The following PCDHGB7 variants were observed in gnomAD, a reference collection of about 807,000 sequenced individuals.
PCDHGB7 encodes protocadherin gamma subfamily B, 7, also known as protocadherin gamma-B7.
Under a neutral mutation model 61.4 loss-of-function variants are expected in PCDHGB7, and 37 were observed. The ratio of observed to expected loss-of-function variants is 0.60; its 90% CI spans 0.46 to 0.79. The LOEUF is 0.79. Among genes scored for constraint, PCDHGB7 ranks in the 30% least tolerant of loss-of-function variants. PCDHGB7 has a pLI of 0.00. For missense variants in PCDHGB7, 1,166 were observed against 1,202.5 expected, an observed-to-expected ratio of 0.97 and a Z score of 0.45; for synonymous variants, 464 against 503.5, an observed-to-expected ratio of 0.92 and a Z score of 1.05.
intron 1 of PCDHGB7, among the ~76,000 whole-genome samples, chr5:141,430,014 G>A (rs925858697): frequency 6.6e-6 from 1 of 152,130 alleles, no homozygotes; most frequent in South Asian, 2.1e-4. Context: ...TTTCACTTGG[G>A]TTCTTGTTAA....
At chr5:141,427,984 C>A (rs754620535) in intron 1 of PCDHGB7, 6 of 1,597,376 alleles carry the variant, frequency 3.8e-6, no homozygotes, top group Non-Finnish European at 4.3e-6. Flanking sequence ...GCGCTGGGGC[C>A]CGATGGCTCC....
At chr5:141,435,214 A>C (rs1314928643) in intron 1 of PCDHGB7, among the ~76,000 whole-genome samples, 1 of 152,176 alleles carries the variant, frequency 6.6e-6, no homozygotes, top group Non-Finnish European at 1.5e-5. Flanking sequence ...AAGTGAATTT[A>C]CTTTCTTTCA....
At chr5:141,427,650 G>C (rs1352503291) in intron 1 of PCDHGB7, 1 of 718,312 alleles carries the variant, frequency 1.4e-6, no homozygotes. Flanking sequence ...AGTCTCCTAC[G>C]TGGTCCACGT....
chr5:141,495,939 G>A (rs1408330065), intron 2 of PCDHGB7, among the ~76,000 whole-genome samples: 1 of 151,994 alleles, frequency 6.6e-6, no homozygotes, highest in Non-Finnish European at 1.5e-5. Context: ...TCTGGTCTCT[G>A]TGCCTGTTGT....
chr5:141,445,252 A>G (rs2098461096), intron 1 of PCDHGB7, among the ~76,000 whole-genome samples: 1 of 152,224 alleles, frequency 6.6e-6, no homozygotes, highest in Non-Finnish European at 1.5e-5. Context: ...ATATTGTGTG[A>G]GAATATAAGT....
chr5:141,462,599 T>TGG (rs2099043404), intron 1 of PCDHGB7, among the ~76,000 whole-genome samples: 1 of 152,208 alleles, frequency 6.6e-6, no homozygotes, highest in African/African-American at 2.4e-5. Context: ...CCATTTCATA[T>TGG]ATTGTATTTT....
At chr5:141,460,926 G>A (rs1180507724) in intron 1 of PCDHGB7, among the ~76,000 whole-genome samples, 4 of 145,540 alleles carry the variant, frequency 2.7e-5, no homozygotes, top group African/African-American at 2.6e-5. Flanking sequence ...ATATATATAT[G>A]TGTGTGTGTA....
At chr5:141,426,153 T>C (rs928934950) in intron 1 of PCDHGB7, 12 of 154,130 alleles carry the variant, frequency 7.8e-5, no homozygotes, top group African/African-American at 2.6e-4. Flanking sequence ...CTCCTGCAAA[T>C]CTGATTCCAT....
In PCDHGB7 at chr5:141,489,153, G is replaced by C; in HGVS notation, c.2416-5654G>C. Reference sequence around the variant, plus strand: ...TTTAAGAGGCTGGAAGGAGACATAAGAGACTTCAGCTGCTGCATTCCAAGC... The same window carrying C: ...TTTAAGAGGCTGGAAGGAGACATAACAGACTTCAGCTGCTGCATTCCAAGC... On this transcript the variant is annotated intron_variant, in intron 1 of 3. Coordinates refer to ENST00000398594, the MANE Select transcript of PCDHGB7 (RefSeq NM_018927.4). This position sits in a 1 kb window ranked among gnomAD's most constrained non-coding sequence, Gnocchi z 4.5. 1 of 935,832 alleles carries C rather than the reference G, an allele frequency of 1.1e-6. No individual in the cohort carries two copies. Among genetic ancestry groups the C allele is most frequent in the Non-Finnish European group, 1.6e-6 (1 of 627,178 alleles). The allele number at this position is 935,832 out of a possible 1,614,324, so 58.0% of individuals were successfully genotyped here.
intron 1 of PCDHGB7, chr5:141,426,906 C>T (rs2096969568): frequency 4.4e-6 from 2 of 456,654 alleles, no homozygotes; most frequent in Admixed American, 2.3e-5. Context: ...CTCTCATCTC[C>T]TGGTCCTGGA....
chr5:141,465,501 C>T (rs1044567555), intron 1 of PCDHGB7, among the ~76,000 whole-genome samples: 1 of 152,164 alleles, frequency 6.6e-6, no homozygotes, highest in Non-Finnish European at 1.5e-5. Context: ...GGAGCATTGT[C>T]GTGGTCAGGA....
intron 1 of PCDHGB7, among the ~76,000 whole-genome samples, chr5:141,448,344 A>G (rs2098583423): frequency 6.6e-6 from 1 of 152,080 alleles, no homozygotes; most frequent in Admixed American, 6.6e-5. Flanking sequence ...CATGTACCTC[A>G]ATCTTAGTAG....
intron 1 of PCDHGB7, among the ~76,000 whole-genome samples, chr5:141,462,160 A>T (rs575238638): frequency 4.6e-5 from 7 of 152,122 alleles, no homozygotes; most frequent in Non-Finnish European, 1.0e-4. Flanking sequence ...GGGTTTCATC[A>T]TGTTGGCCAG....
intron 1 of PCDHGB7, chr5:141,423,800 T>C: frequency 1.6e-5 from 14 of 895,104 alleles, no homozygotes; most frequent in East Asian, 1.3e-4. Context: ...TTTAGAGCAA[T>C]ACATGTGAGT....
Position 141,510,990 on chromosome 5 carries a change from C to T in PCDHGB7, c.2607C>T (p.Thr869=). ...GSSTLGGGAG[T]MGLSARYGPQ... ...CCACCCTGGGAGGGGGTGCCGGCAC[C>T]ATGGGATTGAGCGCCCGCTACGGAC... The change falls in exon 4 of 4, where the codon ACC becomes ACT. Residue 869 remains threonine, a synonymous_variant. Transcript: ENST00000398594. The T allele has an allele frequency of 2.5e-6, 4 of 1,614,166 alleles. No homozygotes were observed. Among genetic ancestry groups the T allele is most frequent in the Non-Finnish European group, 3.4e-6 (4 of 1,180,014 alleles).
chr5:141,421,384 C>T (rs960627405), intron 1 of PCDHGB7: 5 of 1,613,928 alleles, frequency 3.1e-6, no homozygotes, highest in Non-Finnish European at 4.2e-6. Context: ...CTCCAAGGAC[C>T]TGGGGCTGGA....
At position 141,485,811 on chromosome 5, in the gene PCDHGB7, C is replaced by T; in HGVS notation, c.2416-8996C>T. 6.2e-7 allele frequency: 1 copy of T among 1,614,220 alleles called. No homozygotes were observed. The highest frequency in any genetic ancestry group is 8.5e-7 in the Non-Finnish European group (1 of 1,180,028). ...CAATCGGACTACCGCCTGGTGCTGA[C>T]TGCTGTCGATGGAGGGAACCCGCCG... On this transcript the variant is annotated intron_variant, in intron 1 of 3. Transcript: ENST00000398594. This position sits in a 1 kb window ranked among gnomAD's most constrained non-coding sequence, Gnocchi z 5.7.
chr5:141,478,657 G>A, intron 1 of PCDHGB7: 2 of 1,551,912 alleles, frequency 1.3e-6, no homozygotes, highest in Non-Finnish European at 1.7e-6. Flanking sequence ...TCCTGGTGAT[G>A]CATTCACACT....
At chr5:141,423,557 G>C in intron 1 of PCDHGB7, 2 of 1,613,654 alleles carry the variant, frequency 1.2e-6, no homozygotes, top group Non-Finnish European at 1.7e-6. Context: ...CCCAACTATG[G>C]GGACACGCTC....
Sources: gnomAD v4.1 joint callset for allele counts (sites outside exome capture counted in the v4.1 genomes callset) on GRCh38, gnomAD v4.1.1 for gene constraint, Gnocchi (gnomAD v3.1) non-coding constraint, MANE v1.5 for transcripts, NCBI Gene and HGNC (gene_info 2026-07-23, HGNC 2026-07-21) for gene names.